CCNT1: variants seen among roughly 807,000 people sequenced by gnomAD.
The protein encoded by CCNT1 is cyclin-T1.
CCNT1 carries 18 observed loss-of-function variants against 67.3 expected under a neutral mutation model. That is an observed-to-expected ratio of 0.27 (90% CI 0.18 to 0.40). CCNT1 has a LOEUF of 0.40. Ranked by LOEUF, CCNT1 falls within the 10% of genes least tolerant of loss-of-function variation. CCNT1 has a pLI of 1.00. For missense variants in CCNT1, 744 were observed against 884.9 expected, an observed-to-expected ratio of 0.84 and a Z score of 2.02; for synonymous variants, 333 against 310.3, an observed-to-expected ratio of 1.07 and a Z score of -0.77.
Position 48,693,473 on chromosome 12 carries a change from C to G in CCNT1, c.1741G>C (p.Gly581Arg). 6.2e-7 allele frequency: 1 copy of G among 1,614,230 alleles called. No individual in the cohort carries two copies. Among genetic ancestry groups the G allele is most frequent in the Non-Finnish European group, 8.5e-7 (1 of 1,180,040 alleles). Residue 581 changes from glycine to arginine, a missense_variant, in exon 9 of 9, where the codon GGA becomes CGA. By Grantham distance (125) the Gly-to-Arg change is moderately radical (BLOSUM62 -2). Coordinates refer to ENST00000261900, the MANE Select transcript of CCNT1 (RefSeq NM_001240.4). ...TRKRGPSEET[G>R]GAVFDHPAKI... ...GCTGGATGATCAAACACAGCCCCTCCAGTCTCTTCAGAGGGTCCCCTTTTA... is the reference window on the plus strand; with the variant it reads ...GCTGGATGATCAAACACAGCCCCTCGAGTCTCTTCAGAGGGTCCCCTTTTA...
chr12:48,710,777 G>T (rs1214536553), intron 2 of CCNT1, among the ~76,000 whole-genome samples: 1 of 152,118 alleles, frequency 6.6e-6, no homozygotes, highest in Non-Finnish European at 1.5e-5. Flanking sequence ...GAAATAAAAA[G>T]ATATGGCCTG....
chr12:48,697,822 AAATAAT>A (rs1940195910), intron 6 of CCNT1: 1 of 131,788 alleles, frequency 7.6e-6, no homozygotes, highest in African/African-American at 3.0e-5. Flanking sequence ...CTGTCTCAAA[AAATAAT>A]AATAATAATT....
chr12:48,700,945 C>T, intron 4 of CCNT1, 68 bp downstream of exon 4: 1 of 954,114 alleles, frequency 1.0e-6, no homozygotes. Context: ...TCCTATATAG[C>T]AAATTTTTAG....
intron 8 of CCNT1, among the ~76,000 whole-genome samples, chr12:48,695,003 T>C (rs1940146440): frequency 6.6e-6 from 1 of 152,214 alleles, no homozygotes; most frequent in African/African-American, 2.4e-5. Context: ...TTTGTATTTT[T>C]AGTAGAGACG....
At chr12:48,707,046 C>T (rs762921436) in intron 2 of CCNT1, among the ~76,000 whole-genome samples, 1 of 152,036 alleles carries the variant, frequency 6.6e-6, no homozygotes, top group Non-Finnish European at 1.5e-5. Context: ...CATCTCCATA[C>T]ACATACGGAA....
chr12:48,705,863 T>C lies in CCNT1; in HGVS notation c.277A>G (p.Lys93Glu). The stretch of plus-strand genomic sequence containing the variant: ...AATTTTTTGGGCTGCTCCTCCACTT[T>C]AGCTGCTAGAAACAAGGCTGCTGGA... ...VAPAALFLAAKVEEQPKKLEH... is the reference protein window; with the variant it reads ...VAPAALFLAAEVEEQPKKLEH... Residue 93 changes from lysine (K) to glutamate (E), a missense_variant, in exon 3 of 9, where the codon AAA (lysine) becomes GAA (glutamate). Around this residue, in one of 3 missense-constraint regions of CCNT1, gnomAD observed 142 missense variants for 277.0 expected, o/e 0.51. Coordinates refer to ENST00000261900, the MANE Select transcript of CCNT1 (RefSeq NM_001240.4). 6.2e-7 allele frequency: 1 copy of C among 1,613,808 alleles called. No individual in the cohort carries two copies. The highest frequency in any genetic ancestry group is 8.5e-7 in the Non-Finnish European group (1 of 1,179,880).
chr12:48,694,439 G>T lies in CCNT1; in HGVS notation c.778-3C>A. 1 of 1,607,552 alleles carries T rather than the reference G, an allele frequency of 6.2e-7. No homozygotes were observed. The highest frequency in any genetic ancestry group is 8.5e-7 in the Non-Finnish European group (1 of 1,175,436). On this transcript the variant is annotated splice_region_variant and splice_polypyrimidine_tract_variant and intron_variant, in intron 8 of 8. Transcript: ENST00000261900. Reference sequence around the variant, plus strand: ...GTTTTCTTGGCAGCCTCGCATGCCTGCAATGAAGCAAATAGCATCTCTTTA... The same window carrying T: ...GTTTTCTTGGCAGCCTCGCATGCCTTCAATGAAGCAAATAGCATCTCTTTA...
In CCNT1 at chr12:48,693,251, T is replaced by C; in HGVS notation, c.1963A>G (p.Ile655Val). The change falls in exon 9 of 9, where the codon ATA (isoleucine) becomes GTA (valine). Residue 655 changes from isoleucine to valine, a missense_variant. Ile to Val is a conservative substitution (Grantham distance 29, BLOSUM62 3). Transcript: ENST00000261900. ...GANGHNTTQT[I>V]DYQDTVNMLH... is the part of the protein sequence containing the mutation. ...ATATTCACAGTGTCTTGATAGTCTA[T>C]TGTCTGGGTCGTGTTGTGACCATTG... 2 of 1,614,230 alleles carry C rather than the reference T, an allele frequency of 1.2e-6. No homozygotes were observed. The highest frequency in any genetic ancestry group is 2.2e-5 in the South Asian group (2 of 91,082).
chr12:48,694,231 A>G lies in CCNT1; in HGVS notation c.983T>C (p.Met328Thr). 6.2e-7 allele frequency: 1 copy of G among 1,614,224 alleles called. No homozygotes were observed. The highest frequency in any genetic ancestry group is 8.5e-7 in the Non-Finnish European group (1 of 1,180,040). Residue 328 changes from methionine (M) to threonine (T), a missense_variant, in exon 9 of 9, where the codon ATG becomes ACG. Physicochemically the swap from Met to Thr is moderately conservative, Grantham distance 81. Coordinates refer to ENST00000261900, the MANE Select transcript of CCNT1 (RefSeq NM_001240.4). ...GGACAGCCAACGCTTGCCCGGCAAC[A>G]TCTCCACACTGGTTAAGTTGCTGGA... is the stretch of plus-strand genomic sequence containing the variant. Reference protein sequence around the residue: ...ESSSNLTSVEMLPGKRWLSSQ... With the variant: ...ESSSNLTSVETLPGKRWLSSQ...
At chr12:48,698,785 C>T (rs962099322) in intron 5 of CCNT1, among the ~76,000 whole-genome samples, 4 of 152,076 alleles carry the variant, frequency 2.6e-5, no homozygotes, top group African/African-American at 9.7e-5. Flanking sequence ...TGGAGAAACC[C>T]CGTCTCTACT....
intron 1 of CCNT1, among the ~76,000 whole-genome samples, chr12:48,715,518 T>A (rs1419147863): frequency 1.3e-5 from 2 of 152,082 alleles, no homozygotes; most frequent in African/African-American, 4.8e-5. Context: ...TGGAGTGCAG[T>A]GGCGCCATCT....
At chr12:48,703,942 A>G (rs915068843) in intron 3 of CCNT1, among the ~76,000 whole-genome samples, 1 of 152,104 alleles carries the variant, frequency 6.6e-6, no homozygotes, top group Non-Finnish European at 1.5e-5. Context: ...AAAAAAAAAG[A>G]ATATTTTTCA....
rs1307759833 is a variant in CCNT1, at chr12:48,692,561, T to C, written c.*472A>G. 6.8e-6 allele frequency: 1 copy of C among 147,498 alleles called. No individual in the cohort carries two copies. The highest frequency in any genetic ancestry group is 1.5e-5 in the Non-Finnish European group (1 of 68,338). 9.1% of individuals were successfully genotyped at this position (147,498 alleles called of 1,614,324 possible). A position where few individuals can be genotyped will look rare whatever the true frequency, so the allele number is the denominator to read the frequency against. ...AGCAAAATCCCTATCCCCTTCCCAA[T>C]TATATAAAAAAACTAAACAGATAAC... On this transcript the variant is annotated 3_prime_UTR_variant, in exon 9 of 9. Transcript: ENST00000261900.
In CCNT1 at chr12:48,691,030, A is replaced by G. The variant is rs1034325896; in HGVS notation, c.*2003T>C. On this transcript the variant is annotated 3_prime_UTR_variant, in exon 9 of 9. Transcript: ENST00000261900. ...AATTATCTAACACAACATAGAAAAT[A>G]TCAAGGGGAAAGAGGAAAATGTCAT... is the stretch of plus-strand genomic sequence containing the variant. 6.6e-6 allele frequency: 1 copy of G among 152,234 alleles called. No individual in the cohort carries two copies. The highest frequency in any genetic ancestry group is 1.5e-5 in the Non-Finnish European group (1 of 68,038). The allele number at this position is 152,234 out of a possible 1,614,324, so 9.4% of individuals were successfully genotyped here.
intron 2 of CCNT1, among the ~76,000 whole-genome samples, chr12:48,711,657 C>T (rs1007235863): frequency 2.0e-5 from 3 of 152,126 alleles, no homozygotes; most frequent in Non-Finnish European, 2.9e-5. Flanking sequence ...TCGTTAAATG[C>T]TAACAGGCTT....
At position 48,700,998 on chromosome 12, in the gene CCNT1, G is replaced by A. The variant is rs767642498; in HGVS notation, c.433+15C>T. The A allele has an allele frequency of 4.1e-6, 6 of 1,446,544 alleles. No individual in the cohort carries two copies. In the Admixed American group the frequency reaches 6.2e-5, roughly 15 times the overall value. The allele number at this position is 1,446,544 out of a possible 1,614,324, so 89.6% of individuals were successfully genotyped here. A position where few individuals can be genotyped will look rare whatever the true frequency, so the allele number is the denominator to read the frequency against. Reference sequence around the variant, plus strand: ...GCATAATTTAAAAAAATGTTTCAAAGGAAAATAAACTTACCTAAAGTCTGC... The same window carrying A: ...GCATAATTTAAAAAAATGTTTCAAAAGAAAATAAACTTACCTAAAGTCTGC... On this transcript the variant is annotated intron_variant, in intron 4 of 8. Transcript: ENST00000261900.
intron 2 of CCNT1, among the ~76,000 whole-genome samples, chr12:48,706,988 G>A (rs987199235): frequency 9.2e-5 from 14 of 152,064 alleles, no homozygotes; most frequent in Non-Finnish European, 1.9e-4. Context: ...GGGATCACTT[G>A]AGCCCAGGAG....
At position 48,693,487 on chromosome 12, in the gene CCNT1, G is replaced by A; in HGVS notation, c.1727C>T (p.Pro576Leu). The A allele has an allele frequency of 6.2e-7, 1 of 1,614,122 alleles. No individual in the cohort carries two copies. Among genetic ancestry groups the A allele is most frequent in the African/African-American group, 1.3e-5 (1 of 75,024 alleles). ...CACAGCCCCTCCAGTCTCTTCAGAGGGTCCCCTTTTACGAGTAGAACTGGA... is the reference window on the plus strand; with the variant it reads ...CACAGCCCCTCCAGTCTCTTCAGAGAGTCCCCTTTTACGAGTAGAACTGGA... ...SSSSSTRKRG[P>L]SEETGGAVFD... The change falls in exon 9 of 9, where the codon CCC becomes CTC. Residue 576 changes from proline to leucine, a missense_variant. Coordinates refer to ENST00000261900, the MANE Select transcript of CCNT1 (RefSeq NM_001240.4).
intron 2 of CCNT1, among the ~76,000 whole-genome samples, chr12:48,713,404 T>G (rs1940486676): frequency 6.6e-6 from 1 of 152,214 alleles, no homozygotes; most frequent in Non-Finnish European, 1.5e-5. Context: ...CCCCTCCAAC[T>G]GCTGACTGGA....
Sources: gnomAD v4.1 joint callset for allele counts (sites outside exome capture counted in the v4.1 genomes callset) on GRCh38, gnomAD v4.1.1 for gene constraint, gnomAD v4.1.1 regional missense constraint, MANE v1.5 for transcripts, NCBI Gene and HGNC (gene_info 2026-07-23, HGNC 2026-07-21) for gene names.